FNDC3A: variants seen among roughly 807,000 people sequenced by gnomAD.
FNDC3A encodes the protein fibronectin type III domain containing 3A, also known as fibronectin type-III domain-containing protein 3A.
A neutral mutation model predicts 148.9 loss-of-function variants in FNDC3A; 32 were observed. That is an observed-to-expected ratio of 0.21 (90% CI 0.16 to 0.29). The LOEUF is 0.29. Among genes scored for constraint, FNDC3A ranks in the 10% least tolerant of loss-of-function variants. The pLI is 1.00. For missense variants in FNDC3A, 1,191 were observed against 1,452.8 expected (o/e 0.82, Z 2.93); for synonymous variants, 472 against 473.6 (o/e 1.00, Z 0.04).
In FNDC3A at chr13:49,198,506, A is replaced by C. The variant is rs939944370; in HGVS notation, c.2919A>C (p.Glu973Asp). ...AGAACCTTAAGCTGAAATGGGGAGAAGGAACTCCAAAGACATTGTCAACCG... is the reference window on the plus strand; with the variant it reads ...AGAACCTTAAGCTGAAATGGGGAGACGGAACTCCAAAGACATTGTCAACCG... The part of the protein sequence containing the change: ...SHQNLKLKWG[E>D]GTPKTLSTDS... The change falls in exon 23 of 26, where the codon GAA becomes GAC. Residue 973 changes from glutamate (E) to aspartate (D), a missense_variant. Physicochemically the swap from Glu to Asp is conservative, Grantham distance 45. Around this residue, in one of 3 missense-constraint regions of FNDC3A, gnomAD observed 751 missense variants for 944.0 expected, o/e 0.80. Transcript: ENST00000492622. 6.2e-7 allele frequency: 1 copy of C among 1,614,208 alleles called. No individual in the cohort carries two copies.
chr13:48,984,754 G>A (rs1285823366), intron 1 of FNDC3A, among the ~76,000 whole-genome samples: 3 of 151,966 alleles, frequency 2.0e-5, no homozygotes, highest in Admixed American at 6.6e-5. Flanking sequence ...GCGTGATCTC[G>A]GCTCACTGCA....
chr13:49,104,711 A>G (rs1278776138), intron 3 of FNDC3A, among the ~76,000 whole-genome samples: 1 of 152,166 alleles, frequency 6.6e-6, no homozygotes, highest in Non-Finnish European at 1.5e-5. Flanking sequence ...GTCCTAGGGG[A>G]TAGGGAGCAA....
chr13:49,142,128 A>G (rs1205365302), intron 7 of FNDC3A, among the ~76,000 whole-genome samples: 1 of 152,208 alleles, frequency 6.6e-6, no homozygotes, highest in Non-Finnish European at 1.5e-5. Flanking sequence ...ATTACTTCCA[A>G]ATCTATATTT....
At position 49,191,028 on chromosome 13, in the gene FNDC3A, T is replaced by C. The variant is rs780942927; in HGVS notation, c.1958T>C (p.Leu653Ser). 2.4e-5 allele frequency: 38 copies of C among 1,611,310 alleles called. No homozygotes were observed. The South Asian group carries it at 4.0e-4, about 17-fold the overall frequency. ...TTGTTTTGGCAGGTCTCTGAATCTT[T>C]ACTTGTGCAGACTCCAGCTGTGCCT... ...DGGQSAVSES[L>S]LVQTPAVPPG... Residue 653 changes from leucine to serine, a missense_variant, in exon 18 of 26, where the codon TTA becomes TCA. Leu to Ser is a moderately radical substitution (Grantham distance 145). Coordinates refer to ENST00000492622, the MANE Select transcript of FNDC3A (RefSeq NM_001079673.2).
chr13:49,179,570 C>T (rs1885204585), intron 14 of FNDC3A, among the ~76,000 whole-genome samples: 2 of 152,036 alleles, frequency 1.3e-5, no homozygotes, highest in African/African-American at 4.8e-5. Flanking sequence ...AAAATTTTAT[C>T]ATTTTTTCTA....
chr13:49,156,165 G>T (rs1883663158), intron 8 of FNDC3A, among the ~76,000 whole-genome samples: 1 of 148,828 alleles, frequency 6.7e-6, no homozygotes, highest in African/African-American at 2.6e-5. Context: ...AAGTCTCTTT[G>T]TAGGTCTCTA....
intron 7 of FNDC3A, among the ~76,000 whole-genome samples, chr13:49,142,833 T>A (rs1429309902): frequency 6.6e-6 from 1 of 152,218 alleles, no homozygotes; most frequent in Admixed American, 6.5e-5. Context: ...ACTCTTTCTG[T>A]GACTTAACAT....
chr13:49,086,297 C>A (rs1878810834), intron 3 of FNDC3A, among the ~76,000 whole-genome samples: 1 of 152,082 alleles, frequency 6.6e-6, no homozygotes, highest in Admixed American at 6.6e-5. Context: ...TTTTAAGGTT[C>A]ATCACAAGCC....
At position 49,114,485 on chromosome 13, in the gene FNDC3A, A is replaced by ATT. The variant is rs373067352; in HGVS notation, c.176-170_176-169insTT. ...AGGTAAAGGGTAATTTGTGCACTTT[A>ATT]CAAGATAAATTTTTATAACAAGTCA... On this transcript the variant is annotated intron_variant, in intron 3 of 25. Coordinates refer to ENST00000492622, the MANE Select transcript of FNDC3A (RefSeq NM_001079673.2). 5.6e-3 allele frequency among the ~76,000 whole-genome samples: 777 copies of ATT among 139,516 alleles called. 10 individuals are homozygous for ATT. The highest frequency in any genetic ancestry group is 4.2e-3 in the Non-Finnish European group (278 of 66,056). The allele number at this position is 139,516 out of a possible 152,430, so 91.5% of individuals were successfully genotyped here. A position where few individuals can be genotyped will look rare whatever the true frequency, so the allele number is the denominator to read the frequency against.
chr13:49,185,887 T>C, intron 14 of FNDC3A, 77 bp from the exon 15 acceptor site: 3 of 1,145,834 alleles, frequency 2.6e-6, no homozygotes, highest in Non-Finnish European at 3.8e-6. Flanking sequence ...GCTGTTTGTC[T>C]CCTATCACTT....
chr13:49,147,295 A>G (rs1883049986), intron 8 of FNDC3A, among the ~76,000 whole-genome samples: 1 of 152,184 alleles, frequency 6.6e-6, no homozygotes, highest in Non-Finnish European at 1.5e-5. Context: ...GGGGGGCATT[A>G]GTCATCTCCC....
At chr13:49,182,848 T>G (rs1055264973) in intron 14 of FNDC3A, among the ~76,000 whole-genome samples, 2 of 152,116 alleles carry the variant, frequency 1.3e-5, no homozygotes, top group African/African-American at 2.4e-5. Context: ...AGTCCTTAGG[T>G]CTTCTTGGTG....
At chr13:49,106,909 A>G (rs1270071196) in intron 3 of FNDC3A, among the ~76,000 whole-genome samples, 2 of 152,200 alleles carry the variant, frequency 1.3e-5, no homozygotes, top group African/African-American at 2.4e-5. Flanking sequence ...ATGAAACTAC[A>G]TAGATAAGTC....
At chr13:49,199,165 C>T (rs1291178471) in intron 23 of FNDC3A, among the ~76,000 whole-genome samples, 11 of 151,914 alleles carry the variant, frequency 7.2e-5, no homozygotes, top group Non-Finnish European at 7.4e-5. Context: ...TGACCACAGG[C>T]GTGGGCCACT....
In FNDC3A at chr13:49,131,203, A is replaced by G. The variant is rs34539036; in HGVS notation, c.319A>G (p.Ser107Gly). The G allele has an allele frequency of 3.5e-3, 5,707 of 1,614,126 alleles. 172 individuals are homozygous for G. The African/African-American group carries it at 0.064, about 18-fold the overall frequency. The change falls in exon 5 of 26, where the codon AGT (serine) becomes GGT (glycine). Residue 107 changes from serine to glycine, a missense_variant. Ser to Gly is a moderately conservative substitution (Grantham distance 56). Around this residue, in one of 3 missense-constraint regions of FNDC3A, gnomAD observed 426 missense variants for 473.2 expected, o/e 0.90. Transcript: ENST00000492622. ...VPQAPEFHPG[S>G]HTVLHRSPHP... ...TCAGGCACCAGAGTTTCACCCTGGT[A>G]GTCACACAGTTCTCCACCGTTCTCC... is the stretch of plus-strand genomic sequence containing the variant.
intron 4 of FNDC3A, among the ~76,000 whole-genome samples, chr13:49,121,058 C>T (rs1881307805): frequency 6.6e-6 from 1 of 152,214 alleles, no homozygotes; most frequent in African/African-American, 2.4e-5. Flanking sequence ...CTCAGCACCA[C>T]ATCACGCTTA....
At chr13:48,980,580 A>T (rs948755546) in intron 1 of FNDC3A, among the ~76,000 whole-genome samples, 1 of 152,168 alleles carries the variant, frequency 6.6e-6, no homozygotes, top group Non-Finnish European at 1.5e-5. Context: ...TTTTTTTAAG[A>T]TAAGTTATGG....
intron 3 of FNDC3A, among the ~76,000 whole-genome samples, chr13:49,089,940 T>C (rs1372792312): frequency 6.6e-6 from 1 of 152,228 alleles, no homozygotes; most frequent in East Asian, 1.9e-4. Flanking sequence ...CAGTTAGTGC[T>C]TGTATGGAGG....
chr13:49,030,407 A>G (rs2137662748), intron 2 of FNDC3A, among the ~76,000 whole-genome samples: 1 of 152,284 alleles, frequency 6.6e-6, no homozygotes, highest in East Asian at 1.9e-4. Flanking sequence ...AACACAATTA[A>G]CATTGTATGG....
Sources: allele counts gnomAD v4.1 joint callset (sites outside exome capture counted in the v4.1 genomes callset), GRCh38; gene constraint gnomAD v4.1.1; regional missense constraint gnomAD v4.1.1; transcripts MANE v1.5; gene names NCBI Gene and HGNC (gene_info 2026-07-23, HGNC 2026-07-21).